Variants in UHRF1 observed in about 807,000 individuals in gnomAD.
UHRF1 encodes the protein E3 ubiquitin-protein ligase UHRF1.
A neutral mutation model predicts 96.5 loss-of-function variants in UHRF1; 9 were observed. The ratio of observed to expected loss-of-function variants is 0.09; its 90% CI spans 0.06 to 0.16. The LOEUF (loss-of-function observed/expected upper bound fraction) is 0.16. Ranked by LOEUF, UHRF1 falls within the 10% of genes least tolerant of loss-of-function variation. UHRF1 has a pLI of 1.00. For missense variants in UHRF1, 626 were observed against 1,131.1 expected (o/e 0.55, Z 6.40); for synonymous variants, 455 against 469.9 (o/e 0.97, Z 0.41).
At chr19:4,931,932 T>A (rs1310840226) in intron 4 of UHRF1, among the ~76,000 whole-genome samples, 1 of 151,604 alleles carries the variant, frequency 6.6e-6, no homozygotes, top group East Asian at 1.9e-4. Flanking sequence ...AGCTAATTTT[T>A]GTTTTTGTTT....
At chr19:4,938,729 GGTTTTTTTTT>G (rs1352000510) in intron 5 of UHRF1, among the ~76,000 whole-genome samples, 4 of 73,940 alleles carry the variant, frequency 5.4e-5, no homozygotes, top group African/African-American at 2.3e-4. Context: ...GTTTTGGTCA[GGTTTTTTTTT>G]TTTTTTTTTT....
chr19:4,959,308 C>G (rs17886338), intron 16 of UHRF1, among the ~76,000 whole-genome samples: 4 of 152,014 alleles, frequency 2.6e-5, no homozygotes, highest in Middle Eastern at 3.2e-3. Flanking sequence ...CCAGCCTGGG[C>G]GACAGAGCGA....
Position 4,930,631 on chromosome 19 carries a change from G to GC in UHRF1, c.409-84dup. 6.7e-7 allele frequency: 1 copy of GC among 1,486,988 alleles called. No homozygotes were observed. Among genetic ancestry groups the GC allele is most frequent in the South Asian group, 1.3e-5 (1 of 79,732 alleles). 92.1% of individuals were successfully genotyped at this position (1,486,988 alleles called of 1,614,324 possible). On this transcript the variant is annotated intron_variant, in intron 3 of 16. Coordinates refer to ENST00000650932, the MANE Select transcript of UHRF1 (RefSeq NM_001048201.3). This position sits in a 1 kb window ranked among gnomAD's most constrained non-coding sequence, Gnocchi z 4.4. ...TTCGAGTTTGCGCCCTGGTTCCAGAGCATCCCAGTGTCCGAGAACCAAGGT... is the reference window on the plus strand; with the variant it reads ...TTCGAGTTTGCGCCCTGGTTCCAGAGCCATCCCAGTGTCCGAGAACCAAGGT...
chr19:4,911,132 C>CG lies in UHRF1; in HGVS notation c.153+94_153+95insG. 2.4e-6 allele frequency: 3 copies of CG among 1,266,448 alleles called. No homozygotes were observed. The South Asian group carries it at 4.9e-5, about 21-fold the overall frequency. 78.5% of individuals were successfully genotyped at this position (1,266,448 alleles called of 1,614,324 possible). ...ATACTTTCTCCCTCCCACCTCCCCC[C>CG]CCAACAACCTCGTCCGGTCCCACTT... On this transcript the variant is annotated intron_variant, in intron 2 of 16. Transcript: ENST00000650932.
intron 2 of UHRF1, among the ~76,000 whole-genome samples, chr19:4,919,549 G>A (rs1018372024): frequency 6.6e-6 from 1 of 151,990 alleles, no homozygotes; most frequent in East Asian, 1.9e-4. Flanking sequence ...TGATCCACCC[G>A]CCTCCGCCTC....
At chr19:4,947,490 CTTT>C (rs985069179) in intron 11 of UHRF1, among the ~76,000 whole-genome samples, 25 of 57,884 alleles carry the variant, frequency 4.3e-4, no homozygotes, top group East Asian at 6.4e-4. Context: ...TAATAGATAT[CTTT>C]TTTTTTTTTT....
chr19:4,950,425 G>C (rs1031160544), intron 11 of UHRF1, among the ~76,000 whole-genome samples, 186 bp from the exon 12 acceptor site: 2 of 151,678 alleles, frequency 1.3e-5, no homozygotes, highest in Admixed American at 6.6e-5. Flanking sequence ...TGCATTTTTA[G>C]CAGAGACGGG....
intron 2 of UHRF1, among the ~76,000 whole-genome samples, chr19:4,911,405 C>T (rs1000498571): frequency 3.3e-5 from 5 of 152,126 alleles, no homozygotes; most frequent in Admixed American, 6.6e-5. Flanking sequence ...GTAGCTAGGA[C>T]GGAGGGGACC....
rs1228435924 is a variant in UHRF1, at chr19:4,961,847, C to G, written c.*1044C>G. 6.6e-6 allele frequency: 1 copy of G among 151,342 alleles called. No homozygotes were observed. Among genetic ancestry groups the G allele is most frequent in the African/African-American group, 2.4e-5 (1 of 41,274 alleles). The allele number at this position is 151,342 out of a possible 1,614,324, so 9.4% of individuals were successfully genotyped here. A position where few individuals can be genotyped will look rare whatever the true frequency, so the allele number is the denominator to read the frequency against. On this transcript the variant is annotated 3_prime_UTR_variant, in exon 17 of 17. Coordinates refer to ENST00000650932, the MANE Select transcript of UHRF1 (RefSeq NM_001048201.3). ...TTTTTTGTAGTTACTGTATATGTAC[C>G]AAGAAAGATATAACGTTAGGGTTTG...
At chr19:4,938,140 C>G (rs1170279861) in intron 5 of UHRF1, among the ~76,000 whole-genome samples, 1 of 151,652 alleles carries the variant, frequency 6.6e-6, no homozygotes, top group East Asian at 1.9e-4. Context: ...GATGACAGAG[C>G]AAGATTCCGT....
chr19:4,948,691 A>G (rs1182704189), intron 11 of UHRF1, among the ~76,000 whole-genome samples: 2 of 152,108 alleles, frequency 1.3e-5, no homozygotes, highest in African/African-American at 2.4e-5. Context: ...AATCCCAGCT[A>G]CTTGGGAGGC....
At chr19:4,951,760 C>T (rs866407212) in intron 13 of UHRF1, among the ~76,000 whole-genome samples, 33 of 150,244 alleles carry the variant, frequency 2.2e-4, no homozygotes, top group Admixed American at 2.0e-3. Context: ...GAGATCTGGA[C>T]GGAAAAATGG....
intron 16 of UHRF1, among the ~76,000 whole-genome samples, chr19:4,957,280 C>T (rs1441611272): frequency 1.4e-5 from 2 of 141,960 alleles, no homozygotes; most frequent in African/African-American, 5.2e-5. Context: ...AGGAGGGACA[C>T]AAGATCCCAG....
At chr19:4,940,204 G>A (rs62112540) in intron 5 of UHRF1, among the ~76,000 whole-genome samples, 32,818 of 151,596 alleles carry the variant, frequency 0.22, 4,528 homozygotes, top group East Asian at 0.58. Context: ...TGCTTATTAG[G>A]AAATTTAGAA....
intron 2 of UHRF1, among the ~76,000 whole-genome samples, chr19:4,914,155 C>T (rs532598908): frequency 2.0e-4 from 30 of 152,050 alleles, no homozygotes; most frequent in African/African-American, 6.8e-4. Context: ...GAGATCGTGT[C>T]GTTGCTTCTG....
rs773435063 is a variant in UHRF1, at chr19:4,954,445, G to A, written c.1914G>A (p.Ala638=). ...AGGAGCAGCAGGAGGGGGGCTTCGCGTCCCCCAGGACGGGCAAGGGCAAGT... is the reference window on the plus strand; with the variant it reads ...AGGAGCAGCAGGAGGGGGGCTTCGCATCCCCCAGGACGGGCAAGGGCAAGT... ...EEEEQQEGGF[A]SPRTGKGKWK... is the part of the protein sequence containing the mutation. The change falls in exon 14 of 17, where the codon GCG becomes GCA. Residue 638 remains alanine, a synonymous_variant. Coordinates refer to ENST00000650932, the MANE Select transcript of UHRF1 (RefSeq NM_001048201.3). The surrounding 1 kb of genome is among the most constrained non-coding windows in gnomAD (Gnocchi z 5.9). The A allele has an allele frequency of 4.5e-5, 73 of 1,613,366 alleles. No individual in the cohort carries two copies. The highest frequency in any genetic ancestry group is 5.0e-5 in the Non-Finnish European group (59 of 1,179,562).
intron 5 of UHRF1, among the ~76,000 whole-genome samples, 195 bp downstream of exon 5, chr19:4,933,151 C>A (rs771646612): frequency 1.2e-4 from 18 of 152,238 alleles, no homozygotes; most frequent in Non-Finnish European, 1.9e-4. Context: ...CCACCTTGTG[C>A]CCCTGAGTGC....
At chr19:4,931,046 T>C (rs930959274) in intron 4 of UHRF1, among the ~76,000 whole-genome samples, 170 bp downstream of exon 4, 6 of 152,140 alleles carry the variant, frequency 3.9e-5, no homozygotes, top group Non-Finnish European at 7.4e-5. Context: ...GGGACTAGCC[T>C]GGGGACCCGA....
Position 4,944,411 on chromosome 19 carries a change from G to A in UHRF1, c.1266G>A (p.Pro422=), listed in dbSNP as rs766770536. The A allele has an allele frequency of 6.2e-6, 10 of 1,614,016 alleles. No individual in the cohort carries two copies. Among genetic ancestry groups the A allele is most frequent in the East Asian group, 4.5e-5 (2 of 44,880 alleles). The change falls in exon 9 of 17, where the codon CCG becomes CCA. Residue 422 remains proline, a synonymous_variant. Coordinates refer to ENST00000650932, the MANE Select transcript of UHRF1 (RefSeq NM_001048201.3). ...IVPSNHYGPI[P]GIPVGTMWRF... is the part of the protein sequence containing the mutation. ...CGTCCAACCACTACGGACCCATCCC[G>A]GGGATCCCCGTGGGCACCATGTGGC...
Sources: gnomAD v4.1 joint callset for allele counts (sites outside exome capture counted in the v4.1 genomes callset) on GRCh38, gnomAD v4.1.1 for gene constraint, Gnocchi (gnomAD v3.1) non-coding constraint, MANE v1.5 for transcripts, NCBI Gene and HGNC (gene_info 2026-07-23, HGNC 2026-07-21) for gene names.